NUP93: variants seen among roughly 807,000 people sequenced by gnomAD.
The protein encoded by NUP93 is nuclear pore complex protein Nup93.
In NUP93, 55 loss-of-function variants were observed where a neutral mutation model predicts 107.8. The ratio of observed to expected loss-of-function variants is 0.51; its 90% CI spans 0.41 to 0.64. The LOEUF (loss-of-function observed/expected upper bound fraction) is 0.64, where lower values mean the gene tolerates loss of function less well. Among genes scored for constraint, NUP93 ranks in the 30% least tolerant of loss-of-function variants. The probability of loss-of-function intolerance (pLI) is 0.00; values close to 1 mark genes in which losing one functional copy is unlikely to be tolerated. For missense variants in NUP93, 937 were observed against 1,044.7 expected, an observed-to-expected ratio of 0.90 and a Z score of 1.42; for synonymous variants, 390 against 397.5, an observed-to-expected ratio of 0.98 and a Z score of 0.22.
intron 6 of NUP93, among the ~76,000 whole-genome samples, chr16:56,820,524 C>T (rs1963521465): frequency 6.6e-6 from 1 of 152,218 alleles, no homozygotes; most frequent in Admixed American, 6.5e-5. Flanking sequence ...ACCATGTTGG[C>T]TAGGCTGGTC....
intron 21 of NUP93, among the ~76,000 whole-genome samples, chr16:56,844,296 G>C (rs1964081196): frequency 6.6e-6 from 1 of 152,168 alleles, no homozygotes; most frequent in African/African-American, 2.4e-5. Flanking sequence ...CAGAGGCCTC[G>C]GGGGACGAGC....
intron 2 of NUP93, among the ~76,000 whole-genome samples, chr16:56,752,275 A>G (rs938870313): frequency 4.2e-4 from 64 of 152,324 alleles, no homozygotes; most frequent in African/African-American, 1.4e-3. Flanking sequence ...CACACAAGAA[A>G]ACCCTGTGCA....
chr16:56,799,784 C>T (rs1382776265), intron 4 of NUP93, among the ~76,000 whole-genome samples: 3 of 152,200 alleles, frequency 2.0e-5, no homozygotes, highest in Admixed American at 2.0e-4. Context: ...GAACATGTCT[C>T]AGTAGTACTG....
intron 20 of NUP93, among the ~76,000 whole-genome samples, chr16:56,840,953 C>T (rs970847745): frequency 3.3e-5 from 5 of 151,220 alleles, no homozygotes; most frequent in African/African-American, 4.9e-5. Context: ...GCCGAGATTG[C>T]GCCACTTCAC....
In NUP93 at chr16:56,791,692, C is replaced by G. The variant is rs1320769427; in HGVS notation, c.298-6784C>G. ...TGGCTGCCAGGTCCTTGAGATGTGA[C>G]TACACGTTCCTTAGGAGAATCAAGT... On this transcript the variant is annotated intron_variant, in intron 3 of 21. Transcript: ENST00000308159. Among the ~76,000 whole-genome samples, 7 of 152,352 alleles carry G rather than the reference C, an allele frequency of 4.6e-5. No homozygotes were observed. The East Asian group carries it at 1.4e-3, about 29-fold the overall frequency.
At chr16:56,821,128 G>C (rs1448193481) in intron 6 of NUP93, among the ~76,000 whole-genome samples, 1 of 152,130 alleles carries the variant, frequency 6.6e-6, no homozygotes, top group Non-Finnish European at 1.5e-5. Flanking sequence ...CCCTATACCA[G>C]GGCCATTCAG....
chr16:56,829,079 T>A lies in NUP93; in HGVS notation c.897T>A (p.Ile299=). The change falls in exon 9 of 22, where the codon ATT becomes ATA. Residue 299 remains isoleucine, a synonymous_variant. Coordinates refer to ENST00000308159, the MANE Select transcript of NUP93 (RefSeq NM_014669.5). The part of the protein sequence containing the change: ...TYQLVRSFLN[I]KLPAPLPGLQ... ...AATTGGTTCGAAGTTTCCTGAACAT[T>A]AAACTGCCAGCTCCCTTGCCTGGAC... is the stretch of plus-strand genomic sequence containing the variant. The A allele has an allele frequency of 6.2e-7, 1 of 1,613,274 alleles. No homozygotes were observed. Among genetic ancestry groups the A allele is most frequent in the Non-Finnish European group, 8.5e-7 (1 of 1,179,770 alleles).
chr16:56,781,541 A>G (rs1056168655), intron 3 of NUP93: 2 of 152,230 alleles, frequency 1.3e-5, no homozygotes, highest in East Asian at 1.9e-4. Flanking sequence ...CCTGCTGCTC[A>G]GTTAAGGGAC....
chr16:56,836,203 G>A (rs902884585), intron 16 of NUP93, among the ~76,000 whole-genome samples: 1 of 150,364 alleles, frequency 6.7e-6, no homozygotes, highest in Non-Finnish European at 1.5e-5. Context: ...TTTGCCATCT[G>A]TCTTAGAAAG....
chr16:56,826,829 C>T (rs750448253), intron 8 of NUP93, among the ~76,000 whole-genome samples: 1 of 151,462 alleles, frequency 6.6e-6, no homozygotes, highest in Non-Finnish European at 1.5e-5. Context: ...GGGCAGATCA[C>T]GAGGTCAAGA....
intron 1 of NUP93, among the ~76,000 whole-genome samples, chr16:56,736,320 G>A (rs1961612043): frequency 1.3e-5 from 2 of 152,226 alleles, no homozygotes; most frequent in South Asian, 2.1e-4. Context: ...GCAACAAAGC[G>A]AGATTCCATC....
chr16:56,762,992 A>G (rs80082308), intron 3 of NUP93, among the ~76,000 whole-genome samples: 6,186 of 152,194 alleles, frequency 0.041, 438 homozygotes, highest in East Asian at 0.32. Context: ...CCTTAATTAC[A>G]TTTGCAAAGG....
rs752997863 is a variant in NUP93 at position 56,832,328 on chromosome 16, A to G, written c.1285A>G (p.Ser429Gly). The G allele has an allele frequency of 2.5e-6, 4 of 1,614,194 alleles. No individual in the cohort carries two copies. Among genetic ancestry groups the G allele is most frequent in the South Asian group, 1.1e-5 (1 of 91,084 alleles). ...NQVCFDDDGT[S>G]SPQDRLTLSQ... Reference sequence around the variant, plus strand: ...AGTGTGTTTTGACGACGATGGCACCAGCTCCCCACAAGACAGGCTCACTCT... The same window carrying G: ...AGTGTGTTTTGACGACGATGGCACCGGCTCCCCACAAGACAGGCTCACTCT... The change falls in exon 12 of 22, where the codon AGC becomes GGC. Residue 429 changes from serine to glycine, a missense_variant. By Grantham distance (56) the Ser-to-Gly change is moderately conservative (BLOSUM62 0). Coordinates refer to ENST00000308159, the MANE Select transcript of NUP93 (RefSeq NM_014669.5).
At chr16:56,761,339 T>C (rs546574214) in intron 3 of NUP93, among the ~76,000 whole-genome samples, 1 of 152,338 alleles carries the variant, frequency 6.6e-6, no homozygotes, top group Non-Finnish European at 1.5e-5. Context: ...CCAGCTTGCA[T>C]TCCTGGCATG....
intron 3 of NUP93, chr16:56,782,665 T>G (rs1484886873): frequency 6.6e-6 from 1 of 152,166 alleles, no homozygotes; most frequent in African/African-American, 2.4e-5. Flanking sequence ...AGTGCGTGTG[T>G]GTGTTTGTTT....
At chr16:56,782,293 C>A in intron 3 of NUP93, 1 of 807,812 alleles carries the variant, frequency 1.2e-6, no homozygotes, top group Non-Finnish European at 1.5e-6. Flanking sequence ...TGTTGCAGTG[C>A]CTCTGAAAGA....
At chr16:56,834,848 T>G in intron 16 of NUP93, 70 bp downstream of exon 16, 1 of 1,246,624 alleles carries the variant, frequency 8.0e-7, no homozygotes, top group Non-Finnish European at 1.2e-6. Context: ...AAAAATACAC[T>G]TAGATTTTAA....
At chr16:56,732,133 G>A (rs1267656722) in intron 1 of NUP93, among the ~76,000 whole-genome samples, 2 of 152,220 alleles carry the variant, frequency 1.3e-5, no homozygotes, top group African/African-American at 4.8e-5. Flanking sequence ...GAGGCACCTA[G>A]TGAGGCTTTC....
chr16:56,828,008 T>G (rs1442059116), intron 8 of NUP93, among the ~76,000 whole-genome samples: 2 of 152,020 alleles, frequency 1.3e-5, no homozygotes, highest in Admixed American at 6.6e-5. Context: ...TAATCCCAGC[T>G]GCTTGGGAGG....
Sources: allele counts gnomAD v4.1 joint callset (sites outside exome capture counted in the v4.1 genomes callset), GRCh38; gene constraint gnomAD v4.1.1; transcripts MANE v1.5; gene names NCBI Gene and HGNC (gene_info 2026-07-23, HGNC 2026-07-21).